The following PDE4D variants were observed in gnomAD, a reference collection of about 807,000 sequenced individuals.
The protein encoded by PDE4D is phosphodiesterase 4D, also known as 3',5'-cyclic-AMP phosphodiesterase 4D.
In PDE4D, 24 loss-of-function variants were observed where a neutral mutation model predicts 87.4. The ratio of observed to expected loss-of-function variants is 0.27; its 90% CI spans 0.20 to 0.39. PDE4D has a LOEUF of 0.39. Ranked by LOEUF, PDE4D falls within the 10% of genes least tolerant of loss-of-function variation. The pLI is 1.00. For missense variants in PDE4D, 714 were observed against 1,041.0 expected (o/e 0.69, Z 4.32); for synonymous variants, 384 against 383.2 (o/e 1.00, Z -0.02).
chr5:59,407,294 A>AT (rs1406245788), intron 1 of PDE4D, among the ~76,000 whole-genome samples: 4 of 152,166 alleles, frequency 2.6e-5, no homozygotes, highest in Non-Finnish European at 5.9e-5. Context: ...AGCTTCCACC[A>AT]TGATTGAAAG....
intron 1 of PDE4D, among the ~76,000 whole-genome samples, chr5:60,204,658 A>C (rs1332142760): frequency 6.6e-6 from 1 of 152,244 alleles, no homozygotes; most frequent in African/African-American, 2.4e-5. Flanking sequence ...CCAAATCCTT[A>C]TCTCTCTAGC....
chr5:59,551,600 A>G (rs1818132996), intron 1 of PDE4D, among the ~76,000 whole-genome samples: 1 of 152,014 alleles, frequency 6.6e-6, no homozygotes, highest in Non-Finnish European at 1.5e-5. Flanking sequence ...TATATATTAC[A>G]TGATATATGT....
chr5:60,081,000 G>A (rs937710369), intron 2 of PDE4D, among the ~76,000 whole-genome samples: 1 of 152,114 alleles, frequency 6.6e-6, no homozygotes, highest in Non-Finnish European at 1.5e-5. Flanking sequence ...CTGGGAATCA[G>A]TCTGGTCCTA....
In PDE4D at chr5:60,412,446, A is replaced by G. The variant is rs868821406; in HGVS notation, c.-90+75496T>C. Among the ~76,000 whole-genome samples, 5 of 152,318 alleles carry G rather than the reference A, an allele frequency of 3.3e-5. 1 individual carries two copies. In the Middle Eastern group the frequency reaches 0.014, roughly 414 times the overall value. ...GCAGTCTCAAATAATTTAGTGTAGT[A>G]TTCTACCACATTCCACCTTGTTTTT... On this transcript the variant is annotated intron_variant, in intron 1 of 16. Transcript: ENST00000502484.
intron 2 of PDE4D, among the ~76,000 whole-genome samples, chr5:60,013,393 A>G (rs911046269): frequency 6.6e-6 from 1 of 152,198 alleles, no homozygotes; most frequent in Non-Finnish European, 1.5e-5. Flanking sequence ...GTCCATTCAA[A>G]ACCTAACTGC....
At chr5:60,303,307 CT>C (rs879522679) in intron 1 of PDE4D, among the ~76,000 whole-genome samples, 188 of 127,786 alleles carry the variant, frequency 1.5e-3, no homozygotes, top group Middle Eastern at 4.0e-3. Context: ...ATCTGGATTT[CT>C]TTTTTTTTTT....
rs188107322 is a variant in PDE4D at position 60,172,537 on chromosome 5, T to C, written c.42+13020A>G. The stretch of plus-strand genomic sequence containing the variant: ...CCCCTGCTACCTTTCTTCCCTGTTT[T>C]GTCTCTAGGAGGAACACAGCCCTTC... On this transcript the variant is annotated intron_variant, in intron 2 of 16. Coordinates refer to the PDE4D transcript ENST00000502484. Among the ~76,000 whole-genome samples the C allele has an allele frequency of 3.3e-3, 500 of 152,230 alleles. 1 individual carries two copies. Among genetic ancestry groups the C allele is most frequent in the African/African-American group, 0.011 (466 of 41,546 alleles).
intron 3 of PDE4D, among the ~76,000 whole-genome samples, chr5:59,917,603 A>T (rs1754208052): frequency 6.6e-6 from 1 of 152,198 alleles, no homozygotes; most frequent in East Asian, 1.9e-4. Flanking sequence ...TCATTATTTC[A>T]TATTAATACT....
At chr5:59,627,453 T>A (rs1012842394) in intron 1 of PDE4D, among the ~76,000 whole-genome samples, 3 of 152,246 alleles carry the variant, frequency 2.0e-5, no homozygotes, top group Admixed American at 6.5e-5. Flanking sequence ...GTATTTCATA[T>A]TTTATTCTTA....
At chr5:59,027,804 T>C (rs1756524510) in intron 6 of PDE4D, among the ~76,000 whole-genome samples, 1 of 151,472 alleles carries the variant, frequency 6.6e-6, no homozygotes, top group Non-Finnish European at 1.5e-5. Flanking sequence ...TTTCAAAGAG[T>C]CTTGGTTCCT....
At chr5:59,974,567 C>A (rs368296835) in intron 3 of PDE4D, among the ~76,000 whole-genome samples, 1 of 152,278 alleles carries the variant, frequency 6.6e-6, no homozygotes, top group African/African-American at 2.4e-5. Flanking sequence ...CATTGCAGAC[C>A]TACTTACTGG....
At chr5:59,348,322 G>A (rs1029678337) in intron 1 of PDE4D, among the ~76,000 whole-genome samples, 2 of 152,040 alleles carry the variant, frequency 1.3e-5, no homozygotes, top group African/African-American at 4.8e-5. Flanking sequence ...ACACTGTATA[G>A]AGTACTATGT....
intron 1 of PDE4D, among the ~76,000 whole-genome samples, chr5:59,413,591 G>T (rs1319346323): frequency 6.6e-6 from 1 of 152,040 alleles, no homozygotes; most frequent in Non-Finnish European, 1.5e-5. Flanking sequence ...CCTGAACCTG[G>T]GTACAATTGC....
At chr5:58,992,736 T>C (rs1724929463) in intron 7 of PDE4D, among the ~76,000 whole-genome samples, 2 of 152,190 alleles carry the variant, frequency 1.3e-5, no homozygotes, top group African/African-American at 4.8e-5. Context: ...CTCTAACTCA[T>C]CCTTATATAT....
intron 1 of PDE4D, among the ~76,000 whole-genome samples, chr5:59,239,849 A>G (rs1182184232): frequency 6.6e-6 from 1 of 152,198 alleles, no homozygotes; most frequent in Non-Finnish European, 1.5e-5. Context: ...AGCCTGCAAC[A>G]CTCAAAAAGG....
At chr5:59,450,454 AAGGTGACTG>A (rs1798974448) in intron 1 of PDE4D, among the ~76,000 whole-genome samples, 1 of 152,204 alleles carries the variant, frequency 6.6e-6, no homozygotes, top group South Asian at 2.1e-4. Context: ...TAGTGGCCAA[AAGGTGACTG>A]AGTGCTCTAA....
intron 2 of PDE4D, among the ~76,000 whole-genome samples, chr5:60,049,733 C>T (rs560863456): frequency 6.6e-6 from 1 of 152,342 alleles, no homozygotes; most frequent in Non-Finnish European, 1.5e-5. Context: ...TCTCAGATCT[C>T]CAGCTGCATG....
intron 1 of PDE4D, among the ~76,000 whole-genome samples, chr5:60,486,803 C>G (rs1749178423): frequency 6.6e-6 from 1 of 152,034 alleles, no homozygotes; most frequent in African/African-American, 2.4e-5. Context: ...ATACATAGCA[C>G]AAATACATAC....
At chr5:60,088,650 T>C (rs1331036353) in intron 2 of PDE4D, among the ~76,000 whole-genome samples, 1 of 151,928 alleles carries the variant, frequency 6.6e-6, no homozygotes, top group Non-Finnish European at 1.5e-5. Flanking sequence ...AGCAAAAACC[T>C]ATTATAGATA....
Sources: gnomAD v4.1 joint callset for allele counts (sites outside exome capture counted in the v4.1 genomes callset) on GRCh38, gnomAD v4.1.1 for gene constraint, MANE v1.5 for transcripts, NCBI Gene and HGNC (gene_info 2026-07-23, HGNC 2026-07-21) for gene names.